The following CPVL variants were observed in gnomAD, a reference collection of about 807,000 sequenced individuals.
CPVL encodes the protein carboxypeptidase vitellogenic like, also known as probable serine carboxypeptidase CPVL.
In CPVL, 51 loss-of-function variants were observed where a neutral mutation model predicts 63.7. The observed-to-expected ratio is 0.80, with a 90% CI of 0.64 to 1.01. The LOEUF (loss-of-function observed/expected upper bound fraction) is 1.01, where lower values mean the gene tolerates loss of function less well. Ranked by LOEUF, CPVL falls within the 50% of genes least tolerant of loss-of-function variation. CPVL has a pLI of 0.00. For missense variants in CPVL, 530 were observed against 573.1 expected, an observed-to-expected ratio of 0.92 and a Z score of 0.77; for synonymous variants, 195 against 206.0, an observed-to-expected ratio of 0.95 and a Z score of 0.46.
chr7:29,046,411 A>G (rs1021068255), intron 11 of CPVL, among the ~76,000 whole-genome samples: 22 of 152,142 alleles, frequency 1.4e-4, no homozygotes, highest in Non-Finnish European at 2.2e-4. Flanking sequence ...CAGCATATTA[A>G]GCCCTACCCA....
At chr7:29,140,910 T>C (rs912700333) in intron 1 of CPVL, among the ~76,000 whole-genome samples, 3 of 152,190 alleles carry the variant, frequency 2.0e-5, no homozygotes, top group Non-Finnish European at 4.4e-5. Flanking sequence ...ATTTTAGGTA[T>C]GATCTTAAGG....
chr7:29,130,207 C>T lies in CPVL; in HGVS notation c.-10-9136G>A, dbSNP rs1388557724. Reference sequence around the variant, plus strand: ...AGTTGGGATGGAGGGTGTGAAGGCACAAAACCCCAAGAGTTCTACTTTAAG... The same window carrying T: ...AGTTGGGATGGAGGGTGTGAAGGCATAAAACCCCAAGAGTTCTACTTTAAG... On this transcript the variant is annotated intron_variant, in intron 1 of 12. Transcript: ENST00000265394. 3.3e-5 allele frequency among the ~76,000 whole-genome samples: 5 copies of T among 152,162 alleles called. No individual in the cohort carries two copies. In the South Asian group the frequency reaches 6.2e-4, roughly 19 times the overall value.
chr7:29,171,747 T>C (rs1218621487), intron 5 of CPVL, among the ~76,000 whole-genome samples: 1 of 152,182 alleles, frequency 6.6e-6, no homozygotes, highest in African/African-American at 2.4e-5. Flanking sequence ...AGAGAATGCA[T>C]TTTCATTTTT....
chr7:29,094,057 G>A (rs1022688541), intron 5 of CPVL, among the ~76,000 whole-genome samples: 17 of 152,172 alleles, frequency 1.1e-4, no homozygotes, highest in African/African-American at 4.1e-4. Flanking sequence ...ACAAGTGAAG[G>A]AGGCCAAGAG....
At chr7:29,065,121 T>TAA (rs5883186) in intron 10 of CPVL, among the ~76,000 whole-genome samples, 3 of 151,202 alleles carry the variant, frequency 2.0e-5, no homozygotes, top group Admixed American at 1.3e-4. Context: ...GTAAATGCTT[T>TAA]AAAAAAAAAA....
rs17157597 is a variant in CPVL, at chr7:29,159,158, A to G, written c.-11+22132T>C. On this transcript the variant is annotated intron_variant, in intron 5 of 16. Coordinates refer to the CPVL transcript ENST00000409850. ...CAGAGCCAGTGAGAAAGCATTGTGC[A>G]GACTCCTGCAAGCAGATTTCTTTAT... Among the ~76,000 whole-genome samples, 480 of 152,326 alleles carry G rather than the reference A, an allele frequency of 3.2e-3. 16 individuals carry two copies. In the East Asian group the frequency reaches 0.071, roughly 23 times the overall value.
At chr7:29,102,804 G>A (rs924675095) in intron 3 of CPVL, among the ~76,000 whole-genome samples, 2 of 152,040 alleles carry the variant, frequency 1.3e-5, no homozygotes, top group African/African-American at 4.8e-5. Context: ...CAGAAGGAAC[G>A]GCCCAGAAAG....
At chr7:29,062,256 G>A (rs1054859002) in intron 11 of CPVL, among the ~76,000 whole-genome samples, 6 of 152,116 alleles carry the variant, frequency 3.9e-5, no homozygotes, top group Admixed American at 6.5e-5. Flanking sequence ...GAGTCTGCAC[G>A]TTAGAGTGTG....
At position 28,997,070 on chromosome 7, in the gene CPVL, C is replaced by T. The variant is rs569159787; in HGVS notation, c.1321-1188G>A. Among the ~76,000 whole-genome samples the T allele has an allele frequency of 4.6e-5, 7 of 152,282 alleles. No homozygotes were observed. The South Asian group carries it at 1.0e-3, about 23-fold the overall frequency. ...GCAAAAGGGGACTGGTCTCTGTACT[C>T]GTTAAGCCTCTAGCGTCAGCTAATA... On this transcript the variant is annotated intron_variant, in intron 12 of 12. Coordinates refer to ENST00000265394, the MANE Select transcript of CPVL (RefSeq NM_031311.5).
chr7:29,014,853 T>C (rs1786242070), intron 12 of CPVL, among the ~76,000 whole-genome samples: 1 of 152,206 alleles, frequency 6.6e-6, no homozygotes, highest in Non-Finnish European at 1.5e-5. Flanking sequence ...CTGGAACTGT[T>C]CCTTCAGAAA....
chr7:29,028,429 A>G (rs1267886696), intron 12 of CPVL, among the ~76,000 whole-genome samples: 6 of 152,224 alleles, frequency 3.9e-5, no homozygotes, highest in Non-Finnish European at 7.3e-5. Flanking sequence ...ACACTGGTGT[A>G]GGTAAAGCTT....
chr7:29,030,634 G>C lies in CPVL; in HGVS notation c.1263C>G (p.Ile421Met), dbSNP rs758188906. Residue 421 changes from isoleucine (I) to methionine (M), a missense_variant, in exon 12 of 13, where the codon ATC (isoleucine) becomes ATG (methionine). Coordinates refer to ENST00000265394, the MANE Select transcript of CPVL (RefSeq NM_031311.5). ...CAGCCACTTCACTGTCAGATTTAAA[G>C]ATCTTCCAAACTTTTTTTTCTGCCT... is the stretch of plus-strand genomic sequence containing the variant. ...YKKAEKKVWKIFKSDSEVAGY... is the reference protein window; with the variant it reads ...YKKAEKKVWKMFKSDSEVAGY... 2.5e-6 allele frequency: 4 copies of C among 1,613,734 alleles called. No homozygotes were observed. Among genetic ancestry groups the C allele is most frequent in the Admixed American group, 3.3e-5 (2 of 59,950 alleles).
intron 3 of CPVL, among the ~76,000 whole-genome samples, chr7:29,097,417 G>A (rs1786550447): frequency 6.6e-6 from 1 of 152,222 alleles, no homozygotes; most frequent in Non-Finnish European, 1.5e-5. Flanking sequence ...AGACAAGGCT[G>A]GGAGCGGTGA....
intron 7 of CPVL, among the ~76,000 whole-genome samples, chr7:29,077,797 A>C (rs1784369566): frequency 6.6e-6 from 1 of 152,210 alleles, no homozygotes; most frequent in Admixed American, 6.5e-5. Flanking sequence ...AATGCCTCAC[A>C]GAGAACTTTA....
At chr7:29,116,938 G>C (rs1400632672) in intron 2 of CPVL, among the ~76,000 whole-genome samples, 2 of 152,136 alleles carry the variant, frequency 1.3e-5, no homozygotes, top group Admixed American at 6.5e-5. Context: ...CACGTTCCTA[G>C]GGTTTTGACA....
chr7:28,998,266 A>G (rs1784285646), intron 12 of CPVL, among the ~76,000 whole-genome samples: 1 of 152,218 alleles, frequency 6.6e-6, no homozygotes, highest in Non-Finnish European at 1.5e-5. Context: ...AGCTGCTTCA[A>G]CTGGAAATGA....
At chr7:29,175,224 G>C (rs904339335) in intron 5 of CPVL, among the ~76,000 whole-genome samples, 1 of 151,616 alleles carries the variant, frequency 6.6e-6, no homozygotes, top group Non-Finnish European at 1.5e-5. Context: ...ACCCAGGCTG[G>C]AGTGTAGTGG....
At chr7:29,103,132 C>G (rs1013415881) in intron 3 of CPVL, among the ~76,000 whole-genome samples, 8 of 128,012 alleles carry the variant, frequency 6.2e-5, no homozygotes, top group African/African-American at 3.0e-5. Flanking sequence ...TAGAGATAAC[C>G]TTCTGCTCAG....
At chr7:29,164,655 C>T (rs918383215) in intron 5 of CPVL, among the ~76,000 whole-genome samples, 2 of 151,758 alleles carry the variant, frequency 1.3e-5, no homozygotes, top group African/African-American at 4.8e-5. Context: ...GTGGCATATG[C>T]CTGTAATCCC....
Sources: gnomAD v4.1 joint callset for allele counts (sites outside exome capture counted in the v4.1 genomes callset) on GRCh38, gnomAD v4.1.1 for gene constraint, MANE v1.5 for transcripts, NCBI Gene and HGNC (gene_info 2026-07-23, HGNC 2026-07-21) for gene names.